The following ADGRB3 variants were observed in gnomAD, a reference collection of about 807,000 sequenced individuals.
ADGRB3 encodes brain-specific angiogenesis inhibitor 3.
ADGRB3 carries 37 observed loss-of-function variants against 193.4 expected under a neutral mutation model. The observed-to-expected ratio is 0.19, with a 90% CI of 0.15 to 0.25. The LOEUF is 0.25. ADGRB3 is among the 10% of genes least tolerant of loss of function. ADGRB3 has a pLI of 1.00. For missense variants in ADGRB3, 1,637 were observed against 1,852.9 expected, an observed-to-expected ratio of 0.88 and a Z score of 2.14; for synonymous variants, 690 against 644.2, an observed-to-expected ratio of 1.07 and a Z score of -1.08.
intron 3 of ADGRB3, among the ~76,000 whole-genome samples, chr6:68,847,037 G>A (rs79955159): frequency 1.3e-5 from 2 of 152,198 alleles, no homozygotes; most frequent in South Asian, 4.1e-4. Flanking sequence ...TGACCTGGAT[G>A]TGAGACGTGG....
At chr6:69,176,198 C>A (rs1390049231) in intron 17 of ADGRB3, among the ~76,000 whole-genome samples, 1 of 152,164 alleles carries the variant, frequency 6.6e-6, no homozygotes, top group Non-Finnish European at 1.5e-5. Flanking sequence ...TGAGAGTGGG[C>A]ATCCTTATCT....
At chr6:68,914,337 C>G (rs531555460) in intron 3 of ADGRB3, among the ~76,000 whole-genome samples, 2 of 152,058 alleles carry the variant, frequency 1.3e-5, no homozygotes, top group African/African-American at 4.8e-5. Context: ...AGACTAACAG[C>G]GGATCTCTCG....
chr6:68,930,724 G>T, intron 4 of ADGRB3, 55 bp downstream of exon 4: 1 of 1,264,518 alleles, frequency 7.9e-7, no homozygotes, highest in Non-Finnish European at 1.1e-6. Context: ...TGAAACCACT[G>T]CATGTTTTCA....
intron 3 of ADGRB3, among the ~76,000 whole-genome samples, chr6:68,709,827 A>T (rs1765381174): frequency 6.6e-6 from 1 of 152,178 alleles, no homozygotes; most frequent in South Asian, 2.1e-4. Context: ...CTCTTGAAGA[A>T]CAACTTCTAG....
chr6:69,148,096 G>A (rs559989219), intron 17 of ADGRB3, among the ~76,000 whole-genome samples: 1 of 152,166 alleles, frequency 6.6e-6, no homozygotes, highest in Admixed American at 6.5e-5. Context: ...GCCACTCTAT[G>A]TCCTTGAATT....
At chr6:69,233,834 C>G (rs901339303) in intron 18 of ADGRB3, among the ~76,000 whole-genome samples, 3 of 152,058 alleles carry the variant, frequency 2.0e-5, no homozygotes, top group Non-Finnish European at 4.4e-5. Flanking sequence ...TGGATATTTT[C>G]AGTACAGGTT....
intron 3 of ADGRB3, among the ~76,000 whole-genome samples, chr6:68,727,807 T>C (rs746157101): frequency 6.6e-6 from 1 of 151,584 alleles, no homozygotes; most frequent in African/African-American, 2.4e-5. Context: ...ATTATTTGTG[T>C]GAATTCAGTG....
At chr6:69,161,684 G>T (rs564083548) in intron 17 of ADGRB3, among the ~76,000 whole-genome samples, 1 of 152,254 alleles carries the variant, frequency 6.6e-6, no homozygotes, top group South Asian at 2.1e-4. Context: ...CAATGTGTCA[G>T]CTAGGGATAT....
At chr6:69,363,577 G>A (rs1383167149) in intron 29 of ADGRB3, among the ~76,000 whole-genome samples, 1 of 151,970 alleles carries the variant, frequency 6.6e-6, no homozygotes, top group African/African-American at 2.4e-5. Flanking sequence ...GAATCTTTCT[G>A]TCCTGATCAA....
rs139083894 is a variant in ADGRB3 at position 69,168,442 on chromosome 6, A to G, written c.2481-64848A>G. On this transcript the variant is annotated intron_variant, in intron 17 of 31. Transcript: ENST00000370598. ...CTAATTACCTGAATATTTACTAAGT[A>G]CCCAAGTGTGACATTGATGGAGAAC... Among the ~76,000 whole-genome samples the G allele has an allele frequency of 6.9e-3, 1,052 of 152,274 alleles. 18 individuals carry two copies. The highest frequency in any genetic ancestry group is 0.024 in the African/African-American group (995 of 41,562).
chr6:69,321,929 G>A (rs1768463900), intron 20 of ADGRB3, among the ~76,000 whole-genome samples: 1 of 151,748 alleles, frequency 6.6e-6, no homozygotes, highest in Admixed American at 6.6e-5. Flanking sequence ...GTGTTATGGA[G>A]TCTGGTTGTA....
At chr6:68,930,802 A>G in intron 4 of ADGRB3, 133 bp downstream of exon 4, 2 of 654,864 alleles carry the variant, frequency 3.1e-6, no homozygotes, top group East Asian at 2.8e-5. Flanking sequence ...TTTTGTCACC[A>G]GTTAAAGTCC....
At chr6:68,839,374 A>C (rs1768107212) in intron 3 of ADGRB3, among the ~76,000 whole-genome samples, 2 of 152,198 alleles carry the variant, frequency 1.3e-5, no homozygotes, top group Non-Finnish European at 2.9e-5. Context: ...TCATATGGTG[A>C]CTTCATTATG....
At position 69,325,706 on chromosome 6, in the gene ADGRB3, A is replaced by G. The variant is rs574135902; in HGVS notation, c.2965+684A>G. ...CCAAATATACAATAATATCTACTGTATTAGAAGACTGGCATATGGGATGCT... is the reference window on the plus strand; with the variant it reads ...CCAAATATACAATAATATCTACTGTGTTAGAAGACTGGCATATGGGATGCT... On this transcript the variant is annotated intron_variant, in intron 21 of 31. Transcript: ENST00000370598. Among the ~76,000 whole-genome samples the G allele has an allele frequency of 5.3e-4, 81 of 152,328 alleles. No homozygotes were observed. The South Asian group carries it at 9.1e-3, about 17-fold the overall frequency.
intron 20 of ADGRB3, among the ~76,000 whole-genome samples, chr6:69,304,608 A>G (rs1315687476): frequency 1.3e-5 from 2 of 151,560 alleles, no homozygotes; most frequent in African/African-American, 2.4e-5. Flanking sequence ...CAGTCTCTGT[A>G]TGTCAAAGTT....
At chr6:69,293,835 G>A (rs922733168) in intron 20 of ADGRB3, among the ~76,000 whole-genome samples, 1 of 152,034 alleles carries the variant, frequency 6.6e-6, no homozygotes, top group African/African-American at 2.4e-5. Flanking sequence ...GGGGTGGGGG[G>A]ATGGGATCTG....
intron 17 of ADGRB3, among the ~76,000 whole-genome samples, chr6:69,158,046 AG>A (rs916638883): frequency 1.3e-5 from 2 of 152,162 alleles, no homozygotes; most frequent in African/African-American, 4.8e-5. Flanking sequence ...TTTTTCAAAA[AG>A]TATTAATTAG....
At chr6:69,087,907 G>C (rs1455604661) in intron 17 of ADGRB3, among the ~76,000 whole-genome samples, 2 of 152,162 alleles carry the variant, frequency 1.3e-5, no homozygotes, top group African/African-American at 4.8e-5. Flanking sequence ...TATTTCCCGT[G>C]TTAATAGATC....
intron 12 of ADGRB3, among the ~76,000 whole-genome samples, chr6:69,016,323 T>C (rs1030492428): frequency 2.0e-5 from 3 of 151,938 alleles, no homozygotes; most frequent in African/African-American, 4.8e-5. Context: ...AAAAAACACA[T>C]TCATTATTTA....
Sources: allele counts gnomAD v4.1 joint callset (sites outside exome capture counted in the v4.1 genomes callset), GRCh38; gene constraint gnomAD v4.1.1; transcripts MANE v1.5; gene names NCBI Gene and HGNC (gene_info 2026-07-23, HGNC 2026-07-21).